OR11A1: variants seen among roughly 807,000 people sequenced by gnomAD.
OR11A1 encodes the protein olfactory receptor 11A1.
For missense variants in OR11A1, 380 were observed against 378.2 expected, an observed-to-expected ratio of 1.00 and a Z score of -0.04; for synonymous variants, 158 against 152.2, an observed-to-expected ratio of 1.04 and a Z score of -0.28.
In OR11A1 at chr6:29,437,094, T is replaced by C. The variant is rs530148681; in HGVS notation, c.-388-5107A>G. On this transcript the variant is annotated intron_variant, in intron 1 of 4. Coordinates refer to ENST00000377149, the MANE Select transcript of OR11A1 (RefSeq NM_001394828.1). ...AACACTTTTACGCTGTTGGTGGGACTGTAAACTAGTTCAACCATTGTGGAA... is the reference window on the plus strand; with the variant it reads ...AACACTTTTACGCTGTTGGTGGGACCGTAAACTAGTTCAACCATTGTGGAA... Among the ~76,000 whole-genome samples, 7 of 152,366 alleles carry C rather than the reference T, an allele frequency of 4.6e-5. No homozygotes were observed. The East Asian group carries it at 1.4e-3, about 29-fold the overall frequency.
Position 29,433,180 on chromosome 6 carries a change from TG to T in OR11A1, c.-388-1194del, listed in dbSNP as rs201389979. 4.2e-3 allele frequency among the ~76,000 whole-genome samples: 640 copies of T among 152,298 alleles called. 5 individuals carry two copies. The highest frequency in any genetic ancestry group is 0.01 in the African/African-American group (430 of 41,568). On this transcript the variant is annotated intron_variant, in intron 1 of 4. Transcript: ENST00000377149. ...GAACCATTACCTCACATACTTATCA[TG>T]TTTTTGTGATGAGAACACTCAGATC...
intron 4 of OR11A1, 63 bp downstream of exon 4, chr6:29,428,850 C>A (rs1783061692): frequency 3.5e-6 from 2 of 575,924 alleles, no homozygotes; most frequent in African/African-American, 2.1e-5. Context: ...AAAGCATATG[C>A]AAAAGCAAAG....
chr6:29,455,045 A>C (rs1448462389), intron 1 of OR11A1, among the ~76,000 whole-genome samples: 2 of 152,184 alleles, frequency 1.3e-5, no homozygotes, highest in East Asian at 3.8e-4. Context: ...TAAACATATA[A>C]GCTAGAAATT....
At position 29,430,330 on chromosome 6, in the gene OR11A1, G is replaced by A. The variant is rs1561775315; in HGVS notation, c.-169C>T. 2.0e-6 allele frequency: 2 copies of A among 985,248 alleles called. No homozygotes were observed. Among genetic ancestry groups the A allele is most frequent in the Non-Finnish European group, 2.4e-6 (2 of 829,934 alleles). 61.0% of individuals were successfully genotyped at this position (985,248 alleles called of 1,614,324 possible). A position where few individuals can be genotyped will look rare whatever the true frequency, so the allele number is the denominator to read the frequency against. ...TGATCCCATCTGCATTTCCTTGTGA[G>A]TGAATCTGGCACTCCCTATGTGGGC... On this transcript the variant is annotated 5_prime_UTR_variant, in exon 3 of 5. Transcript: ENST00000377149.
chr6:29,449,637 CT>C (rs528967841), intron 1 of OR11A1, among the ~76,000 whole-genome samples: 1 of 152,046 alleles, frequency 6.6e-6, no homozygotes, highest in African/African-American at 2.4e-5. Flanking sequence ...CAATCTTTCT[CT>C]TTTTTTTGTT....
rs1011005345 is a variant in OR11A1, at chr6:29,426,492, A to G, written c.*202T>C. ...AAACCCCCATGACACAAGTTTACCTATGTAACAAACCTGCACATGTACCCT... is the reference window on the plus strand; with the variant it reads ...AAACCCCCATGACACAAGTTTACCTGTGTAACAAACCTGCACATGTACCCT... On this transcript the variant is annotated 3_prime_UTR_variant, in exon 5 of 5. Transcript: ENST00000377149. 21 of 552,142 alleles carry G rather than the reference A, an allele frequency of 3.8e-5. No homozygotes were observed. The highest frequency in any genetic ancestry group is 2.8e-4 in the African/African-American group (15 of 53,484). 34.2% of individuals were successfully genotyped at this position (552,142 alleles called of 1,614,324 possible). A position where few individuals can be genotyped will look rare whatever the true frequency, so the allele number is the denominator to read the frequency against.
At chr6:29,430,547 T>C in intron 2 of OR11A1, 122 bp from the exon 3 acceptor site, 1 of 593,214 alleles carries the variant, frequency 1.7e-6, no homozygotes, top group Non-Finnish European at 2.1e-6. Context: ...TTATTTTAAG[T>C]GAAATATCTC....
At chr6:29,431,770 G>T (rs1783244616) in intron 2 of OR11A1, 94 bp downstream of exon 2, 1 of 665,364 alleles carries the variant, frequency 1.5e-6, no homozygotes, top group Non-Finnish European at 1.9e-6. Context: ...AGTTGCTAGT[G>T]ATTACAGGAT....
intron 1 of OR11A1, among the ~76,000 whole-genome samples, chr6:29,436,126 C>T (rs537083407): frequency 2.7e-4 from 41 of 152,320 alleles, no homozygotes; most frequent in African/African-American, 9.4e-4. Flanking sequence ...CGCAGTCGTT[C>T]ATGGACAAGT....
rs978999543 is a variant in OR11A1, at chr6:29,453,739, G to A, written c.-389+3248C>T. On this transcript the variant is annotated intron_variant, in intron 1 of 4. Transcript: ENST00000377149. This position sits in a 1 kb window ranked among gnomAD's most constrained non-coding sequence, Gnocchi z 4.5. ...TCTCTACACATTCCTGGCTGACTGG[G>A]AAACTACAGGTATGTACAGAAGAAA... Among the ~76,000 whole-genome samples the A allele has an allele frequency of 4.6e-5, 7 of 152,162 alleles. No homozygotes were observed. The highest frequency in any genetic ancestry group is 3.9e-4 in the Admixed American group (6 of 15,270).
At chr6:29,454,878 T>C (rs1785867580) in intron 1 of OR11A1, among the ~76,000 whole-genome samples, 1 of 149,940 alleles carries the variant, frequency 6.7e-6, no homozygotes, top group Non-Finnish European at 1.5e-5. Flanking sequence ...TTATGATTTG[T>C]TTAAAAAAGC....
chr6:29,429,808 G>A (rs1014261293), intron 3 of OR11A1, among the ~76,000 whole-genome samples: 2 of 152,116 alleles, frequency 1.3e-5, no homozygotes, highest in African/African-American at 4.8e-5. Context: ...GGAGAGAAAG[G>A]GGCCAGGATC....
At chr6:29,432,504 G>T (rs1277020014) in intron 1 of OR11A1, among the ~76,000 whole-genome samples, 1 of 151,842 alleles carries the variant, frequency 6.6e-6, no homozygotes, top group African/African-American at 2.4e-5. Flanking sequence ...CCTCCAAATC[G>T]CCCTCTTACC....
chr6:29,436,870 G>A (rs115508594), intron 1 of OR11A1, among the ~76,000 whole-genome samples: 4,050 of 152,334 alleles, frequency 0.027, 117 homozygotes, highest in African/African-American at 0.076. Flanking sequence ...GTCGGCCAGT[G>A]GCCCGCAATC....
intron 1 of OR11A1, among the ~76,000 whole-genome samples, chr6:29,449,926 C>T (rs1213436285): frequency 6.6e-6 from 1 of 152,150 alleles, no homozygotes; most frequent in Non-Finnish European, 1.5e-5. Context: ...CCTGAGTCAC[C>T]GTGCCCGGCC....
At position 29,440,034 on chromosome 6, in the gene OR11A1, A is replaced by G. The variant is rs1041029440; in HGVS notation, c.-388-8047T>C. ...AGGCAGGATGAGTGCAAACACCTCC[A>G]TGGTGACTGAGTTTCTTCTTCTCGG... On this transcript the variant is annotated intron_variant, in intron 1 of 4. Transcript: ENST00000377149. The G allele has an allele frequency of 4.3e-6, 7 of 1,612,962 alleles. No homozygotes were observed. In the African/African-American group the frequency reaches 5.3e-5, roughly 12 times the overall value.
chr6:29,425,661 G>A lies in OR11A1; in HGVS notation c.*1033C>T, dbSNP rs1328057590. 1 of 152,164 alleles carries A rather than the reference G, an allele frequency of 6.6e-6. No individual in the cohort carries two copies. The highest frequency in any genetic ancestry group is 1.5e-5 in the Non-Finnish European group (1 of 68,016). 9.4% of individuals were successfully genotyped at this position (152,164 alleles called of 1,614,324 possible). A position where few individuals can be genotyped will look rare whatever the true frequency, so the allele number is the denominator to read the frequency against. ...GAAAACTAACAAACAAGGAGCTGTA[G>A]CTAATTAAAATAAGATTAGCAAAAT... On this transcript the variant is annotated 3_prime_UTR_variant, in exon 5 of 5. Transcript: ENST00000377149.
chr6:29,440,811 G>C (rs754635593), intron 1 of OR11A1: 7 of 1,613,860 alleles, frequency 4.3e-6, no homozygotes, highest in African/African-American at 4.0e-5. Context: ...GGCCAGCTAC[G>C]ATCCGGCCAC....
At chr6:29,456,464 C>T (rs533287569) in intron 1 of OR11A1, among the ~76,000 whole-genome samples, 195 of 151,344 alleles carry the variant, frequency 1.3e-3, no homozygotes, top group Non-Finnish European at 2.4e-3. Flanking sequence ...GAGCCGAGAT[C>T]GCGCCACTGC....
Sources: gnomAD v4.1 joint callset for allele counts (sites outside exome capture counted in the v4.1 genomes callset) on GRCh38, gnomAD v4.1.1 for gene constraint, Gnocchi (gnomAD v3.1) non-coding constraint, MANE v1.5 for transcripts, NCBI Gene and HGNC (gene_info 2026-07-23, HGNC 2026-07-21) for gene names.